DYM: variants seen among roughly 807,000 people sequenced by gnomAD.
DYM encodes the protein dymeclin.
Under a neutral mutation model 93.1 loss-of-function variants are expected in DYM, and 78 were observed. That is an observed-to-expected ratio of 0.84 (90% CI 0.70 to 1.01). The LOEUF is 1.01. Ranked by LOEUF, DYM falls within the 50% of genes least tolerant of loss-of-function variation. DYM has a pLI of 0.00. For missense variants in DYM, 789 were observed against 845.0 expected (o/e 0.93, Z 0.82); for synonymous variants, 321 against 319.7 (o/e 1.00, Z -0.04).
rs866126194 is a variant in DYM, at chr18:49,202,974, G to A, written c.1625+6577C>T. Among the ~76,000 whole-genome samples the A allele has an allele frequency of 6.9e-3, 738 of 107,074 alleles. 21 individuals carry two copies. The highest frequency in any genetic ancestry group is 0.025 in the African/African-American group (700 of 28,056). 70.2% of individuals were successfully genotyped at this position (107,074 alleles called of 152,430 possible). A position where few individuals can be genotyped will look rare whatever the true frequency, so the allele number is the denominator to read the frequency against. On this transcript the variant is annotated intron_variant, in intron 14 of 17. Coordinates refer to ENST00000675505, the MANE Select transcript of DYM (RefSeq NM_001353214.3). ...AGGTGAGGGGTCAGCCCCCCCGCCC[G>A]GCCAGCCGTGCCATCCGGGAGGGAG...
chr18:49,421,715 G>T (rs961862674), intron 2 of DYM, among the ~76,000 whole-genome samples: 10 of 152,344 alleles, frequency 6.6e-5, no homozygotes, highest in Admixed American at 6.5e-4. Flanking sequence ...CCGAGCTAAA[G>T]GAGGATGTTC....
At chr18:49,203,275 G>T (rs2092244825) in intron 14 of DYM, among the ~76,000 whole-genome samples, 1 of 54,948 alleles carries the variant, frequency 1.8e-5, no homozygotes, top group South Asian at 6.7e-4. Flanking sequence ...TCCAGGAGGT[G>T]AGGGGCGCCT....
chr18:49,086,682 G>A (rs947547305), intron 17 of DYM, among the ~76,000 whole-genome samples: 1 of 152,064 alleles, frequency 6.6e-6, no homozygotes, highest in African/African-American at 2.4e-5. Flanking sequence ...TCATGAAGGG[G>A]ATTAGTGCCC....
At chr18:49,380,757 G>A (rs2067970690) in intron 3 of DYM, among the ~76,000 whole-genome samples, 1 of 152,216 alleles carries the variant, frequency 6.6e-6, no homozygotes, top group Non-Finnish European at 1.5e-5. Flanking sequence ...TGAAGAGACA[G>A]GCTCAGAAAG....
At position 49,042,542 on chromosome 18, in the gene DYM, G is replaced by C. The variant is rs964748384; in HGVS notation, c.*1513C>G. On this transcript the variant is annotated 3_prime_UTR_variant, in exon 18 of 18. Transcript: ENST00000675505. ...TGAGAATGGTTCCTCCGAGGCCCTC[G>C]GAAGATTTGATGGACTCAAATAACA... The C allele has an allele frequency of 1.3e-5, 2 of 152,252 alleles. No homozygotes were observed. The highest frequency in any genetic ancestry group is 2.9e-5 in the Non-Finnish European group (2 of 68,088). The allele number at this position is 152,252 out of a possible 1,614,324, so 9.4% of individuals were successfully genotyped here. A position where few individuals can be genotyped will look rare whatever the true frequency, so the allele number is the denominator to read the frequency against.
chr18:49,267,664 C>T (rs1380607475), intron 11 of DYM, among the ~76,000 whole-genome samples: 1 of 152,124 alleles, frequency 6.6e-6, no homozygotes, highest in African/African-American at 2.4e-5. Context: ...GAGGCCAAGG[C>T]GGCTGGATCA....
intron 13 of DYM, among the ~76,000 whole-genome samples, chr18:49,213,221 GAA>G (rs1015809167): frequency 5.3e-5 from 8 of 151,432 alleles, no homozygotes; most frequent in African/African-American, 1.9e-4. Flanking sequence ...ATTCCAAGGT[GAA>G]GTTTTCTAAT....
At chr18:49,388,422 G>T (rs2068844856) in intron 3 of DYM, among the ~76,000 whole-genome samples, 1 of 151,804 alleles carries the variant, frequency 6.6e-6, no homozygotes, top group African/African-American at 2.4e-5. Flanking sequence ...GAAAAAGAAT[G>T]TAAACTACAA....
At chr18:49,278,077 A>G (rs1237141569) in intron 10 of DYM, among the ~76,000 whole-genome samples, 3 of 152,264 alleles carry the variant, frequency 2.0e-5, no homozygotes, top group African/African-American at 7.2e-5. Flanking sequence ...CATGAAAACA[A>G]AAGAGCTAAA....
intron 8 of DYM, among the ~76,000 whole-genome samples, chr18:49,289,637 G>A (rs1311556242): frequency 6.8e-6 from 1 of 147,688 alleles, no homozygotes; most frequent in Non-Finnish European, 1.5e-5. Context: ...CTTGAGCCCA[G>A]GAGGTTGAGG....
In DYM at chr18:49,415,658, T is replaced by A. The variant is rs1411218503; in HGVS notation, c.140+14597A>T. Among the ~76,000 whole-genome samples, 12 of 152,236 alleles carry A rather than the reference T, an allele frequency of 7.9e-5. No homozygotes were observed. The East Asian group carries it at 1.7e-3, about 22-fold the overall frequency. On this transcript the variant is annotated intron_variant, in intron 2 of 17. Transcript: ENST00000675505. The stretch of plus-strand genomic sequence containing the variant: ...AAAAGTAGGGTGTGGCTGGGCATGG[T>A]GGCTCATGCCTGTAATCCCAGCACT...
At chr18:49,205,198 G>C (rs916239169) in intron 14 of DYM, among the ~76,000 whole-genome samples, 3 of 152,158 alleles carry the variant, frequency 2.0e-5, no homozygotes, top group African/African-American at 7.2e-5. Flanking sequence ...CTGTCCTCAG[G>C]TGATCCACCT....
At chr18:49,336,407 T>C (rs918057506) in intron 6 of DYM, among the ~76,000 whole-genome samples, 4 of 152,144 alleles carry the variant, frequency 2.6e-5, no homozygotes, top group Admixed American at 6.5e-5. Flanking sequence ...TACCGTGGAA[T>C]CCTATAAATG....
At chr18:49,218,776 A>G (rs2093204040) in intron 13 of DYM, among the ~76,000 whole-genome samples, 1 of 152,254 alleles carries the variant, frequency 6.6e-6, no homozygotes, top group Admixed American at 6.5e-5. Flanking sequence ...GGAAATTTAT[A>G]GCACTAAATG....
At position 49,128,627 on chromosome 18, in the gene DYM, A is replaced by G. The variant is rs572185534; in HGVS notation, c.1729-9701T>C. On this transcript the variant is annotated intron_variant, in intron 15 of 17. Coordinates refer to ENST00000675505, the MANE Select transcript of DYM (RefSeq NM_001353214.3). ...AAATAAGTACTTACATAATTTTTTA[A>G]AACCCCTTCCTAGTCTCAAGTCTCA... is the stretch of plus-strand genomic sequence containing the variant. Among the ~76,000 whole-genome samples the G allele has an allele frequency of 2.6e-5, 4 of 152,280 alleles. No homozygotes were observed. In the South Asian group the frequency reaches 8.3e-4, roughly 32 times the overall value.
At chr18:49,190,808 A>T (rs1321720344) in intron 14 of DYM, among the ~76,000 whole-genome samples, 1 of 152,250 alleles carries the variant, frequency 6.6e-6, no homozygotes, top group East Asian at 1.9e-4. Flanking sequence ...TCCTCGGCCT[A>T]TTCAGTGTGA....
intron 16 of DYM, among the ~76,000 whole-genome samples, chr18:49,106,721 T>C (rs1243054389): frequency 7.2e-5 from 11 of 152,168 alleles, no homozygotes; most frequent in African/African-American, 1.4e-4. Context: ...TTTAAGAATG[T>C]TGAATATTGG....
chr18:49,186,924 T>C (rs1033391947), intron 14 of DYM, among the ~76,000 whole-genome samples: 17 of 104,844 alleles, frequency 1.6e-4, no homozygotes, highest in East Asian at 3.4e-4. Context: ...AATCTTCTTT[T>C]TTTTTTTTTT....
intron 2 of DYM, among the ~76,000 whole-genome samples, chr18:49,402,685 C>A (rs1258741600): frequency 6.6e-6 from 1 of 152,104 alleles, no homozygotes; most frequent in East Asian, 1.9e-4. Flanking sequence ...GAATATGGAA[C>A]GTCTCTGCAC....
Sources: gnomAD v4.1 joint callset for allele counts (sites outside exome capture counted in the v4.1 genomes callset) on GRCh38, gnomAD v4.1.1 for gene constraint, MANE v1.5 for transcripts, NCBI Gene and HGNC (gene_info 2026-07-23, HGNC 2026-07-21) for gene names.